Variants in PABPN1 observed in about 807,000 individuals in gnomAD.
The protein encoded by PABPN1 is polyadenylate-binding protein 2.
In PABPN1, 5 loss-of-function variants were observed where a neutral mutation model predicts 33.4. That is an observed-to-expected ratio of 0.15 (90% CI 0.08 to 0.32). PABPN1 has a LOEUF of 0.32. PABPN1 is among the 10% of genes least tolerant of loss of function. The pLI is 1.00. For missense variants in PABPN1, 312 were observed against 425.8 expected, an observed-to-expected ratio of 0.73 and a Z score of 2.35; for synonymous variants, 176 against 170.6, an observed-to-expected ratio of 1.03 and a Z score of -0.25.
chr14:23,321,864 C>T, intron 1 of PABPN1, 44 bp downstream of exon 1: 1 of 1,133,724 alleles, frequency 8.8e-7, no homozygotes, highest in Non-Finnish European at 1.1e-6. Flanking sequence ...GCTGGCCGGC[C>T]GGGTCACTGG....
chr14:23,324,785 A>C (rs1888610000), intron 6 of PABPN1: 1 of 250,866 alleles, frequency 4.0e-6, no homozygotes, highest in Non-Finnish European at 7.8e-6. Context: ...TGCAAGGTTA[A>C]CTTCTCACTG....
Position 23,323,976 on chromosome 14 carries a change from T to C in PABPN1, c.653T>C (p.Ile218Thr). The C allele has an allele frequency of 6.2e-7, 1 of 1,614,142 alleles. No homozygotes were observed. The highest frequency in any genetic ancestry group is 8.5e-7 in the Non-Finnish European group (1 of 1,180,024). Reference sequence around the variant, plus strand: ...ACAATTCTTTTCAGGTTTGCGTATATAGAGTTCTCAGACAAAGAGTCAGTG... The same window carrying C: ...ACAATTCTTTTCAGGTTTGCGTATACAGAGTTCTCAGACAAAGAGTCAGTG... ...FSGHPKGFAY[I>T]EFSDKESVRT... Residue 218 changes from isoleucine (I) to threonine (T), a missense_variant, in exon 5 of 7, where the codon ATA becomes ACA. Around this residue, in one of 3 missense-constraint regions of PABPN1, gnomAD observed 77 missense variants for 185.7 expected, o/e 0.41. Coordinates refer to ENST00000216727, the MANE Select transcript of PABPN1 (RefSeq NM_004643.4).
Position 23,324,136 on chromosome 14 carries a change from A to G in PABPN1, c.730-2A>G. The G allele has an allele frequency of 6.2e-7, 1 of 1,614,220 alleles. No individual in the cohort carries two copies. Among genetic ancestry groups the G allele is most frequent in the Non-Finnish European group, 8.5e-7 (1 of 1,180,032 alleles). On this transcript the variant is annotated splice_acceptor_variant, in intron 5 of 6. Transcript: ENST00000216727. LOFTEE classifies it high-confidence loss of function. ...GCTATCATTTGTTCATCTCTGACTCAGGTGATCCCAAAACGAACCAACAGA... is the reference window on the plus strand; with the variant it reads ...GCTATCATTTGTTCATCTCTGACTCGGGTGATCCCAAAACGAACCAACAGA...
chr14:23,324,543 C>CA (rs1331982938), intron 6 of PABPN1: 1 of 594,734 alleles, frequency 1.7e-6, no homozygotes, highest in Non-Finnish European at 3.0e-6. Flanking sequence ...CACCCCCAGC[C>CA]TTTTTTTTCT....
Position 23,325,349 on chromosome 14 carries a change from T to TAAAAAAAAAAAAAAA in PABPN1, c.*77_*78insAAAAAAAAAAAAAAA. ...AGGAAAGAAGGAAAAAAAAAAGAAT[T>TAAAAAAAAAAAAAAA]AAAAAAAAAAAAAAGAAAAACAGAA... On this transcript the variant is annotated 3_prime_UTR_variant, in exon 7 of 7. Coordinates refer to ENST00000216727, the MANE Select transcript of PABPN1 (RefSeq NM_004643.4). 2.7e-6 allele frequency: 3 copies of TAAAAAAAAAAAAAAA among 1,092,186 alleles called. No individual in the cohort carries two copies. The highest frequency in any genetic ancestry group is 3.1e-5 in the East Asian group (1 of 31,822). The allele number at this position is 1,092,186 out of a possible 1,614,324, so 67.7% of individuals were successfully genotyped here. A position where few individuals can be genotyped will look rare whatever the true frequency, so the allele number is the denominator to read the frequency against.
At chr14:23,325,175 G>C in intron 6 of PABPN1, 72 bp from the exon 7 acceptor site, 1 of 1,602,106 alleles carries the variant, frequency 6.2e-7, no homozygotes, top group Non-Finnish European at 8.5e-7. Flanking sequence ...TGGGGCAGGG[G>C]CCTACGGGGA....
intron 6 of PABPN1, 81 bp from the exon 7 acceptor site, chr14:23,325,166 G>A (rs895947745): frequency 1.3e-6 from 2 of 1,581,890 alleles, no homozygotes; most frequent in African/African-American, 1.4e-5. Context: ...CACAGTAACT[G>A]GGGCAGGGGC....
At position 23,321,729 on chromosome 14, in the gene PABPN1, G is replaced by A. The variant is rs1456099054; in HGVS notation, c.260G>A (p.Gly87Glu). 8 of 1,542,176 alleles carry A rather than the reference G, an allele frequency of 5.2e-6. No individual in the cohort carries two copies. Among genetic ancestry groups the A allele is most frequent in the Non-Finnish European group, 7.0e-6 (8 of 1,143,936 alleles). ...GCCCCCCCGGGAGCTCCGGGCCCTG[G>A]GCCTGGTTCGGGAGCCCCCGGCAGC... ...PRAPPGAPGPGPGSGAPGSQE... is the reference protein window; with the variant it reads ...PRAPPGAPGPEPGSGAPGSQE... Residue 87 changes from glycine (G) to glutamate (E), a missense_variant, in exon 1 of 7, where the codon GGG (glycine) becomes GAG (glutamate). By Grantham distance (98) the Gly-to-Glu change is moderately conservative (BLOSUM62 -2). Around this residue, in one of 3 missense-constraint regions of PABPN1, gnomAD observed 167 missense variants for 168.9 expected, o/e 0.99. Transcript: ENST00000216727.
chr14:23,321,855 C>T (rs1200361148), intron 1 of PABPN1, 35 bp downstream of exon 1: 2 of 1,297,720 alleles, frequency 1.5e-6, no homozygotes, highest in Non-Finnish European at 2.0e-6. Flanking sequence ...AGGCCGGCGG[C>T]TGGCCGGCCG....
chr14:23,322,366 G>A, intron 2 of PABPN1, 71 bp downstream of exon 2: 1 of 1,391,320 alleles, frequency 7.2e-7, no homozygotes, highest in South Asian at 1.2e-5. Context: ...GATGGGGAAT[G>A]TGGGGTTAGA....
rs183808166 is a variant in PABPN1 at position 23,326,109 on chromosome 14, G to C, written c.*823G>C. 1.4e-4 allele frequency: 22 copies of C among 152,422 alleles called. No individual in the cohort carries two copies. Among genetic ancestry groups the C allele is most frequent in the Admixed American group, 9.2e-4 (14 of 15,252 alleles). 9.4% of individuals were successfully genotyped at this position (152,422 alleles called of 1,614,324 possible). A position where few individuals can be genotyped will look rare whatever the true frequency, so the allele number is the denominator to read the frequency against. On this transcript the variant is annotated 3_prime_UTR_variant, in exon 7 of 7. Coordinates refer to ENST00000216727, the MANE Select transcript of PABPN1 (RefSeq NM_004643.4). The stretch of plus-strand genomic sequence containing the variant: ...TTATTTTTTTAGCTCATTTCCAGGG[G>C]TGGGAATTTTTTTTTAATATGTGTC...
chr14:23,323,625 T>A, intron 4 of PABPN1, 142 bp downstream of exon 4: 1 of 897,862 alleles, frequency 1.1e-6, no homozygotes, highest in Non-Finnish European at 1.8e-6. Context: ...TGTTGATATA[T>A]CAGGAGTTGC....
chr14:23,324,469 C>T, intron 6 of PABPN1, 180 bp downstream of exon 6: 1 of 767,282 alleles, frequency 1.3e-6, no homozygotes. Context: ...CCAGCCTCAT[C>T]ATCTTTTCTG....
chr14:23,322,806 T>C, intron 2 of PABPN1, 193 bp from the exon 3 acceptor site: 1 of 649,490 alleles, frequency 1.5e-6, no homozygotes, highest in South Asian at 1.8e-5. Flanking sequence ...TTCTTTCAAT[T>C]TATTGAATAT....
chr14:23,322,847 A>G, intron 2 of PABPN1, 152 bp from the exon 3 acceptor site: 2 of 872,536 alleles, frequency 2.3e-6, no homozygotes, highest in Non-Finnish European at 3.9e-6. Context: ...ACTAGGCACT[A>G]TTCTCGGTTG....
intron 2 of PABPN1, 124 bp downstream of exon 2, chr14:23,322,419 T>C: frequency 1.2e-6 from 1 of 851,968 alleles, no homozygotes; most frequent in Non-Finnish European, 1.9e-6. Context: ...ATTATGACTG[T>C]GCCGCGGTCA....
At chr14:23,323,533 A>C (rs547257997) in intron 4 of PABPN1, 50 bp downstream of exon 4, 9 of 1,522,678 alleles carry the variant, frequency 5.9e-6, no homozygotes, top group Non-Finnish European at 8.2e-6. Context: ...GTGTACAAAT[A>C]GATAAATTAT....
At chr14:23,324,338 G>A (rs776856923) in intron 6 of PABPN1, 49 bp downstream of exon 6, 13 of 1,602,866 alleles carry the variant, frequency 8.1e-6, no homozygotes, top group East Asian at 2.2e-5. Context: ...CGTGAGCCCC[G>A]TATGCTTCCT....
At position 23,324,040 on chromosome 14, in the gene PABPN1, A is replaced by G. The variant is rs1381336104; in HGVS notation, c.717A>G (p.Gly239=). ...CCTTAGATGAGTCCCTATTTAGAGG[A>G]AGGCAAATCAAGGTAAGCCTATGTC... The part of the protein sequence containing the change: ...SLALDESLFR[G]RQIKVIPKRT... The change falls in exon 5 of 7, where the codon GGA becomes GGG. Residue 239 remains glycine (G), a synonymous_variant. Transcript: ENST00000216727. 6.2e-7 allele frequency: 1 copy of G among 1,614,138 alleles called. No individual in the cohort carries two copies. Among genetic ancestry groups the G allele is most frequent in the Non-Finnish European group, 8.5e-7 (1 of 1,180,012 alleles).
Sources: gnomAD v4.1 joint callset for allele counts on GRCh38, gnomAD v4.1.1 for gene constraint, gnomAD v4.1.1 regional missense constraint, MANE v1.5 for transcripts, NCBI Gene and HGNC (gene_info 2026-07-23, HGNC 2026-07-21) for gene names.